PPIP5K2: variants seen among roughly 807,000 people sequenced by gnomAD.
PPIP5K2 encodes the protein diphosphoinositol pentakisphosphate kinase 2.
Under a neutral mutation model 154.6 loss-of-function variants are expected in PPIP5K2, and 105 were observed. The ratio of observed to expected loss-of-function variants is 0.68; its 90% CI spans 0.58 to 0.80. The LOEUF is 0.80. Ranked by LOEUF, PPIP5K2 falls within the 30% of genes least tolerant of loss-of-function variation. The probability of loss-of-function intolerance (pLI) is 0.00; values close to 1 mark genes in which losing one functional copy is unlikely to be tolerated. For missense variants in PPIP5K2, 992 were observed against 1,504.6 expected, an observed-to-expected ratio of 0.66 and a Z score of 5.64; for synonymous variants, 480 against 490.3, an observed-to-expected ratio of 0.98 and a Z score of 0.28.
intron 7 of PPIP5K2, 129 bp downstream of exon 7, chr5:103,148,161 A>T (rs1373697540): frequency 5.5e-6 from 4 of 733,440 alleles, no homozygotes; most frequent in Non-Finnish European, 7.2e-6. Context: ...GGGATTCCTC[A>T]TGTTTTGTAA....
intron 17 of PPIP5K2, among the ~76,000 whole-genome samples, chr5:103,160,651 A>G (rs1481265684): frequency 6.6e-6 from 1 of 152,222 alleles, no homozygotes; most frequent in South Asian, 2.1e-4. Context: ...CCTTTTAAGC[A>G]TGTAAAAACC....
intron 5 of PPIP5K2, 39 bp from the exon 6 acceptor site, chr5:103,146,488 G>T (rs1554209204): frequency 2.5e-6 from 4 of 1,591,324 alleles, no homozygotes; most frequent in Non-Finnish European, 3.4e-6. Context: ...AATATAATAA[G>T]AATATGTGAT....
intron 5 of PPIP5K2, among the ~76,000 whole-genome samples, chr5:103,140,534 C>A (rs1792384357): frequency 6.6e-6 from 1 of 152,200 alleles, no homozygotes; most frequent in African/African-American, 2.4e-5. Flanking sequence ...AAACTTCCAA[C>A]CTAGAATATT....
chr5:103,207,148 T>C lies in PPIP5K2; in HGVS notation c.*5514T>C, dbSNP rs1463200063. 2 of 152,192 alleles carry C rather than the reference T, an allele frequency of 1.3e-5. No homozygotes were observed. The highest frequency in any genetic ancestry group is 2.9e-5 in the Non-Finnish European group (2 of 68,056). 9.4% of individuals were successfully genotyped at this position (152,192 alleles called of 1,614,324 possible). A position where few individuals can be genotyped will look rare whatever the true frequency, so the allele number is the denominator to read the frequency against. ...AGAGACTGGCTGTGTTTAAATCTCA[T>C]GTGGGAAGGGCACCTTTCCCCTACA... On this transcript the variant is annotated 3_prime_UTR_variant, in exon 31 of 31. Coordinates refer to ENST00000358359, the MANE Select transcript of PPIP5K2 (RefSeq NM_001276277.3).
intron 21 of PPIP5K2, among the ~76,000 whole-genome samples, chr5:103,176,495 T>A (rs1798736429): frequency 6.6e-6 from 1 of 151,896 alleles, no homozygotes; most frequent in Non-Finnish European, 1.5e-5. Context: ...ACACACGGAA[T>A]GTATAATGTC....
chr5:103,141,477 C>T (rs1051958968), intron 5 of PPIP5K2, among the ~76,000 whole-genome samples: 116 of 152,236 alleles, frequency 7.6e-4, no homozygotes, highest in African/African-American at 2.6e-3. Context: ...TGTTACAGCT[C>T]GGGCAGCCTG....
intron 5 of PPIP5K2, among the ~76,000 whole-genome samples, chr5:103,141,027 G>A (rs978049905): frequency 6.6e-6 from 1 of 151,792 alleles, no homozygotes; most frequent in Admixed American, 6.6e-5. Context: ...GATAGAAAAA[G>A]ACGTTAAAAA....
chr5:103,133,327 T>C, intron 2 of PPIP5K2, 126 bp from the exon 3 acceptor site: 1 of 599,764 alleles, frequency 1.7e-6, no homozygotes, highest in Non-Finnish European at 2.7e-6. Context: ...AATTCCTTTG[T>C]TTGTTAATGT....
chr5:103,138,174 T>A (rs1276219671), intron 4 of PPIP5K2, among the ~76,000 whole-genome samples: 3 of 152,196 alleles, frequency 2.0e-5, no homozygotes, highest in Non-Finnish European at 4.4e-5. Flanking sequence ...GAATTGTGCA[T>A]AAATTTGTGT....
intron 21 of PPIP5K2, chr5:103,176,931 A>C (rs1451578366): frequency 6.9e-7 from 1 of 1,439,142 alleles, no homozygotes; most frequent in African/African-American, 1.4e-5. Flanking sequence ...TAGAATTTAC[A>C]TATGCCTCCT....
At chr5:103,126,605 T>C (rs781878043) in intron 1 of PPIP5K2, among the ~76,000 whole-genome samples, 21 of 152,108 alleles carry the variant, frequency 1.4e-4, no homozygotes, top group East Asian at 1.9e-4. Flanking sequence ...CAATAGGCCA[T>C]GTGCAAGCTG....
chr5:103,188,908 C>T, intron 28 of PPIP5K2: 1 of 346,500 alleles, frequency 2.9e-6, no homozygotes. Flanking sequence ...ACATAAGGTG[C>T]ATTCTTTTCT....
At chr5:103,164,084 A>G (rs1183282360) in intron 17 of PPIP5K2, among the ~76,000 whole-genome samples, 3 of 151,962 alleles carry the variant, frequency 2.0e-5, no homozygotes, top group African/African-American at 7.2e-5. Flanking sequence ...TCTTTGTGGG[A>G]AAGTTTCTAA....
At chr5:103,129,768 T>G (rs1790314427) in intron 2 of PPIP5K2, 65 bp downstream of exon 2, 7 of 1,420,120 alleles carry the variant, frequency 4.9e-6, no homozygotes, top group Non-Finnish European at 6.4e-6. Context: ...TACTAATCAC[T>G]GTTAGTCTTT....
chr5:103,158,173 T>C lies in PPIP5K2; in HGVS notation c.1490-15T>C, dbSNP rs1554214214. On this transcript the variant is annotated splice_polypyrimidine_tract_variant and intron_variant, in intron 14 of 30. Transcript: ENST00000358359. ...TAAACTTAACATTTGTTTTATTCAT[T>C]CATATGTGTCATAGACAGCCGAAGA... The C allele has an allele frequency of 6.2e-7, 1 of 1,608,414 alleles. No individual in the cohort carries two copies. Among genetic ancestry groups the C allele is most frequent in the African/African-American group, 1.3e-5 (1 of 74,784 alleles).
rs751990333 is a variant in PPIP5K2 at position 103,203,231 on chromosome 5, T to A, written c.*1597T>A. The A allele has an allele frequency of 6.6e-5, 10 of 152,570 alleles. No homozygotes were observed. Among genetic ancestry groups the A allele is most frequent in the Non-Finnish European group, 1.5e-4 (10 of 68,002 alleles). The allele number at this position is 152,570 out of a possible 1,614,324, so 9.5% of individuals were successfully genotyped here. ...CAAAGAGACTTAAATGGTAAATTTTTAAAATTTTCTTATCTCTTACTTTTT... is the reference window on the plus strand; with the variant it reads ...CAAAGAGACTTAAATGGTAAATTTTAAAAATTTTCTTATCTCTTACTTTTT... On this transcript the variant is annotated 3_prime_UTR_variant, in exon 31 of 31. Transcript: ENST00000358359.
intron 14 of PPIP5K2, among the ~76,000 whole-genome samples, chr5:103,156,266 G>A (rs1895183): frequency 0.051 from 7,809 of 152,112 alleles, 504 homozygotes; most frequent in African/African-American, 0.16. Flanking sequence ...AAACTTATTT[G>A]TTTATAACTA....
At chr5:103,162,488 G>A (rs913139301) in intron 17 of PPIP5K2, among the ~76,000 whole-genome samples, 5 of 151,596 alleles carry the variant, frequency 3.3e-5, no homozygotes, top group Non-Finnish European at 5.9e-5. Context: ...TCAGCCTCCT[G>A]AGTAGCTGAG....
At chr5:103,142,265 C>A (rs1284173238) in intron 5 of PPIP5K2, among the ~76,000 whole-genome samples, 1 of 152,226 alleles carries the variant, frequency 6.6e-6, no homozygotes, top group Non-Finnish European at 1.5e-5. Context: ...CCCTCCGCAG[C>A]CACTGGCCCG....
Sources: gnomAD v4.1 joint callset for allele counts (sites outside exome capture counted in the v4.1 genomes callset) on GRCh38, gnomAD v4.1.1 for gene constraint, MANE v1.5 for transcripts, NCBI Gene and HGNC (gene_info 2026-07-23, HGNC 2026-07-21) for gene names.